MAF: variants seen among roughly 807,000 people sequenced by gnomAD.
MAF encodes the protein transcription factor Maf.
A neutral mutation model predicts 22.0 loss-of-function variants in MAF; 10 were observed. The observed-to-expected ratio is 0.45, with a 90% CI of 0.28 to 0.77. The LOEUF (loss-of-function observed/expected upper bound fraction) is 0.77, where lower values mean the gene tolerates loss of function less well. MAF is among the 30% of genes least tolerant of loss of function. The probability of loss-of-function intolerance (pLI) is 0.12; values close to 1 mark genes in which losing one functional copy is unlikely to be tolerated. For synonymous variants in MAF, 337 were observed against 255.8 expected (o/e 1.32, Z -3.03); for missense variants, 544 against 548.4 (o/e 0.99, Z 0.08).
the MAF span, among the ~76,000 whole-genome samples, chr16:79,255,551 C>G: frequency 1.3e-5 from 2 of 152,212 alleles, no homozygotes; most frequent in Non-Finnish European, 2.9e-5. Context: ...GCTTTACTGC[C>G]AGAAGGGGCC....
chr16:79,464,535 A>G, the MAF span, among the ~76,000 whole-genome samples: 1 of 152,236 alleles, frequency 6.6e-6, no homozygotes, highest in African/African-American at 2.4e-5. Context: ...TAAGGAACTC[A>G]GAATTTTTCG....
chr16:79,372,578 G>C, the MAF span, among the ~76,000 whole-genome samples: 1 of 152,204 alleles, frequency 6.6e-6, no homozygotes, highest in Non-Finnish European at 1.5e-5. Flanking sequence ...TGTCTTAGCC[G>C]TGGTGACCTA....
the MAF span, among the ~76,000 whole-genome samples, chr16:79,221,026 G>C: frequency 2.0e-5 from 3 of 152,234 alleles, no homozygotes; most frequent in East Asian, 5.8e-4. Context: ...AATGCGGAAA[G>C]CAGAAAGAAA....
At chr16:79,228,117 G>C in the MAF span, among the ~76,000 whole-genome samples, 251 of 152,154 alleles carry the variant, frequency 1.6e-3, 2 homozygotes, top group African/African-American at 5.8e-3. Context: ...TGCCCAGGCT[G>C]GTCTCCAACT....
the MAF span, among the ~76,000 whole-genome samples, chr16:79,502,976 G>T: frequency 6.6e-6 from 1 of 151,588 alleles, no homozygotes; most frequent in Non-Finnish European, 1.5e-5. Flanking sequence ...GGATTAAAAA[G>T]CTATCAGCTT....
At chr16:79,262,435 T>A in the MAF span, among the ~76,000 whole-genome samples, 2 of 152,220 alleles carry the variant, frequency 1.3e-5, no homozygotes, top group Admixed American at 6.5e-5. Context: ...TTTTTGTGGC[T>A]AGATGCTCTG....
chr16:79,521,252 C>T, the MAF span, among the ~76,000 whole-genome samples: 1 of 152,224 alleles, frequency 6.6e-6, no homozygotes, highest in East Asian at 1.9e-4. Flanking sequence ...AGAATCGCAA[C>T]ATATCATTGG....
At chr16:79,596,356 AC>A in intron 1 of MAF, 3 of 1,059,146 alleles carry the variant, frequency 2.8e-6, no homozygotes, top group South Asian at 4.6e-5. Flanking sequence ...CTATAATTTC[AC>A]CCTGAATTAC....
At chr16:79,518,818 G>A in the MAF span, among the ~76,000 whole-genome samples, 2 of 152,240 alleles carry the variant, frequency 1.3e-5, no homozygotes, top group South Asian at 2.1e-4. Flanking sequence ...CCAGCCACTC[G>A]GGAGGCTGAG....
the MAF span, among the ~76,000 whole-genome samples, chr16:79,468,720 C>A: frequency 1.9e-3 from 285 of 152,200 alleles, no homozygotes; most frequent in African/African-American, 6.7e-3. Context: ...AGTTTCAAAT[C>A]CTTTGGGGTA....
At chr16:79,598,378 G>A in intron 1 of MAF, 4 of 1,178,936 alleles carry the variant, frequency 3.4e-6, no homozygotes, top group African/African-American at 3.3e-5. Context: ...GGCTTCAAAG[G>A]TGATCAACGT....
the MAF span, among the ~76,000 whole-genome samples, chr16:79,502,708 A>AATAT: frequency 4.2e-3 from 142 of 33,854 alleles, 1 homozygote; most frequent in African/African-American, 4.9e-3. Context: ...TATAAATATA[A>AATAT]ATATATATAT....
At chr16:79,219,455 G>T in the MAF span, among the ~76,000 whole-genome samples, 4 of 151,214 alleles carry the variant, frequency 2.6e-5, no homozygotes, top group South Asian at 8.4e-4. Flanking sequence ...GGAGGCTGAG[G>T]CAGGAGAATG....
chr16:79,312,190 T>C, the MAF span, among the ~76,000 whole-genome samples: 4 of 152,060 alleles, frequency 2.6e-5, no homozygotes, highest in Admixed American at 2.6e-4. Context: ...GGAAAATAAA[T>C]ATGCAGAGTA....
chr16:79,570,546 G>A, the MAF span, among the ~76,000 whole-genome samples: 22 of 152,280 alleles, frequency 1.4e-4, no homozygotes, highest in Non-Finnish European at 1.5e-5. Context: ...ACTAGCAATA[G>A]CAGATATACA....
At chr16:79,222,691 G>A in the MAF span, among the ~76,000 whole-genome samples, 1 of 152,030 alleles carries the variant, frequency 6.6e-6, no homozygotes, top group Non-Finnish European at 1.5e-5. Flanking sequence ...GATTTACCAA[G>A]CAAGTGGGAA....
chr16:79,444,290 C>T, the MAF span, among the ~76,000 whole-genome samples: 1 of 152,042 alleles, frequency 6.6e-6, no homozygotes. Context: ...ATGGACAATG[C>T]TAAGTTTCTT....
chr16:79,336,534 A>T, the MAF span, among the ~76,000 whole-genome samples: 1 of 152,248 alleles, frequency 6.6e-6, no homozygotes, highest in African/African-American at 2.4e-5. Flanking sequence ...CAACACATTT[A>T]GCTTCATTGT....
At chr16:79,439,257 C>CTTTTTTTTTTTTTTTTTTT in the MAF span, among the ~76,000 whole-genome samples, 12 of 130,804 alleles carry the variant, frequency 9.2e-5, 2 homozygotes, top group Non-Finnish European at 6.5e-5. Context: ...TAGGTACTTA[C>CTTTTTTTTTTTTTTTTTTT]TTTTTTTTTT....
Sources: gnomAD v4.1 joint callset for allele counts (sites outside exome capture counted in the v4.1 genomes callset) on GRCh38, gnomAD v4.1.1 for gene constraint, MANE v1.5 for transcripts, NCBI Gene and HGNC (gene_info 2026-07-23, HGNC 2026-07-21) for gene names.